Variants in FILIP1L observed in about 807,000 individuals in gnomAD.
The protein encoded by FILIP1L is filamin A interacting protein 1 like, also known as filamin A-interacting protein 1-like.
In FILIP1L, 55 loss-of-function variants were observed where a neutral mutation model predicts 96.6. The ratio of observed to expected loss-of-function variants is 0.57; its 90% CI spans 0.46 to 0.71. The LOEUF (loss-of-function observed/expected upper bound fraction) is 0.71. Among genes scored for constraint, FILIP1L ranks in the 30% least tolerant of loss-of-function variants. The pLI is 0.00. For synonymous variants in FILIP1L, 467 were observed against 473.9 expected, an observed-to-expected ratio of 0.99 and a Z score of 0.19; for missense variants, 1,304 against 1,321.2, an observed-to-expected ratio of 0.99 and a Z score of 0.20.
intron 5 of FILIP1L, among the ~76,000 whole-genome samples, chr3:99,844,827 AG>A (rs1943290630): frequency 6.6e-6 from 1 of 152,150 alleles, no homozygotes; most frequent in Non-Finnish European, 1.5e-5. Context: ...ATGGTTTAAA[AG>A]TGGCAGTTTC....
chr3:100,065,881 G>A (rs2065655085), intron 1 of FILIP1L, among the ~76,000 whole-genome samples: 1 of 152,198 alleles, frequency 6.6e-6, no homozygotes, highest in African/African-American at 2.4e-5. Context: ...AGGTAGTGGT[G>A]CTCAAAATAT....
At chr3:100,075,903 T>TG (rs2065842773) in intron 1 of FILIP1L, among the ~76,000 whole-genome samples, 1 of 152,210 alleles carries the variant, frequency 6.6e-6, no homozygotes, top group Non-Finnish European at 1.5e-5. Context: ...TAGGATTCGA[T>TG]TCAGGAGAGC....
intron 1 of FILIP1L, among the ~76,000 whole-genome samples, chr3:100,043,628 A>T (rs951208260): frequency 4.4e-4 from 67 of 152,172 alleles, no homozygotes; most frequent in Non-Finnish European, 1.0e-4. Flanking sequence ...AGAAATTTAC[A>T]TCCCTGGAAG....
chr3:99,852,261 C>T (rs1479962917), intron 4 of FILIP1L, among the ~76,000 whole-genome samples: 2 of 152,048 alleles, frequency 1.3e-5, no homozygotes, highest in Non-Finnish European at 2.9e-5. Flanking sequence ...AGGAATTGAA[C>T]CAAAGGACTT....
chr3:99,888,473 A>G (rs1486465891), intron 4 of FILIP1L, among the ~76,000 whole-genome samples: 2 of 152,220 alleles, frequency 1.3e-5, no homozygotes, highest in Non-Finnish European at 2.9e-5. Context: ...GGCTGGGTAA[A>G]GATCTCCCAG....
In FILIP1L at chr3:99,848,365, G is replaced by T. The variant is rs1943468497; in HGVS notation, c.3311C>A (p.Thr1104Asn). ...AGTAATACTGCTGGTGACTTTATTG[G>T]TTGTTTTGTTTAGTGCCCCGTTAAT... ...GLINGALNKTTNKVTSSITIT... is the reference protein window; with the variant it reads ...GLINGALNKTNNKVTSSITIT... The change falls in exon 5 of 6, where the codon ACC becomes AAC. Residue 1104 changes from threonine (T) to asparagine (N), a missense_variant. Transcript: ENST00000477258. The T allele has an allele frequency of 6.2e-7, 1 of 1,614,174 alleles. No individual in the cohort carries two copies. Among genetic ancestry groups the T allele is most frequent in the Admixed American group, 1.7e-5 (1 of 60,022 alleles).
At chr3:99,983,450 A>ATG (rs1341200561) in intron 1 of FILIP1L, among the ~76,000 whole-genome samples, 864 of 9,754 alleles carry the variant, frequency 0.089, 46 homozygotes, top group African/African-American at 0.23. Context: ...ATGTATGTAT[A>ATG]TATATATATG....
chr3:99,912,557 T>A (rs1012754069), intron 4 of FILIP1L, among the ~76,000 whole-genome samples: 1 of 152,096 alleles, frequency 6.6e-6, no homozygotes, highest in African/African-American at 2.4e-5. Flanking sequence ...TTTGTATTTT[T>A]TGTAGAGATG....
intron 1 of FILIP1L, among the ~76,000 whole-genome samples, chr3:99,970,776 A>G (rs1162963782): frequency 2.0e-5 from 3 of 152,226 alleles, no homozygotes; most frequent in Admixed American, 1.3e-4. Context: ...TTACCATTCT[A>G]AAGACCTTAA....
Position 99,849,176 on chromosome 3 carries a change from G to C in FILIP1L, c.2500C>G (p.Gln834Glu), listed in dbSNP as rs762954322. 2.5e-6 allele frequency: 4 copies of C among 1,614,156 alleles called. No individual in the cohort carries two copies. Among genetic ancestry groups the C allele is most frequent in the Non-Finnish European group, 3.4e-6 (4 of 1,180,016 alleles). The change falls in exon 5 of 6, where the codon CAA (glutamine) becomes GAA (glutamate). Residue 834 changes from glutamine (Q) to glutamate (E), a missense_variant. By Grantham distance (29) the Gln-to-Glu change is conservative. Transcript: ENST00000477258. ...CCCTCATCATTAGGGTCCTCGTCTT[G>C]ATTCTCACTCTCCTCATATAACTGA... ...NGQLYEESEN[Q>E]DEDPNDEGSV... is the part of the protein sequence containing the mutation.
intron 4 of FILIP1L, among the ~76,000 whole-genome samples, chr3:99,852,118 C>T (rs755586433): frequency 2.0e-5 from 3 of 152,184 alleles, no homozygotes; most frequent in Non-Finnish European, 4.4e-5. Context: ...ACTATCTCTT[C>T]CACTTAAGTA....
intron 4 of FILIP1L, among the ~76,000 whole-genome samples, chr3:99,877,149 A>G (rs931158817): frequency 1.3e-5 from 2 of 152,244 alleles, no homozygotes; most frequent in Admixed American, 6.5e-5. Context: ...TAGCCCAACT[A>G]TATGAATCTG....
chr3:100,087,931 A>C (rs921189919), intron 1 of FILIP1L, among the ~76,000 whole-genome samples: 6 of 150,852 alleles, frequency 4.0e-5, no homozygotes, highest in Non-Finnish European at 8.8e-5. Flanking sequence ...CCAGGGTTCA[A>C]GCAATTCTCC....
intron 1 of FILIP1L, among the ~76,000 whole-genome samples, chr3:100,095,307 A>G (rs1291227358): frequency 2.0e-5 from 3 of 152,164 alleles, no homozygotes; most frequent in Non-Finnish European, 2.9e-5. Flanking sequence ...TTAACACTAT[A>G]TATCAATTAG....
chr3:99,894,375 G>T (rs1706184202), intron 4 of FILIP1L, among the ~76,000 whole-genome samples: 1 of 152,208 alleles, frequency 6.6e-6, no homozygotes, highest in Non-Finnish European at 1.5e-5. Flanking sequence ...TGCCAGGTCT[G>T]GCCAGAGGTG....
chr3:99,932,185 C>T (rs985382337), intron 1 of FILIP1L, among the ~76,000 whole-genome samples: 3 of 152,138 alleles, frequency 2.0e-5, no homozygotes, highest in African/African-American at 7.2e-5. Context: ...CTTCTCCTCC[C>T]TTCCCACTCC....
intron 1 of FILIP1L, among the ~76,000 whole-genome samples, chr3:99,983,385 AATAAAT>A (rs201354184): frequency 0.52 from 44,048 of 83,960 alleles, 10,973 homozygotes; most frequent in Middle Eastern, 0.62. Context: ...AAAATAAATA[AATAAAT>A]ATATATATAT....
intron 4 of FILIP1L, among the ~76,000 whole-genome samples, chr3:99,914,407 T>C (rs1706887032): frequency 6.6e-6 from 1 of 152,314 alleles, no homozygotes; most frequent in African/African-American, 2.4e-5. Flanking sequence ...AATGTTATAA[T>C]CTTTAAGTGT....
At chr3:100,075,905 C>T (rs989395299) in intron 1 of FILIP1L, among the ~76,000 whole-genome samples, 20 of 152,156 alleles carry the variant, frequency 1.3e-4, no homozygotes, top group Non-Finnish European at 2.9e-4. Flanking sequence ...GGATTCGATT[C>T]AGGAGAGCTG....
Sources: gnomAD v4.1 joint callset for allele counts (sites outside exome capture counted in the v4.1 genomes callset) on GRCh38, gnomAD v4.1.1 for gene constraint, MANE v1.5 for transcripts, NCBI Gene and HGNC (gene_info 2026-07-23, HGNC 2026-07-21) for gene names.